Variants in ROBO1 observed in about 807,000 individuals in gnomAD.
ROBO1 encodes the protein roundabout homolog 1.
ROBO1 carries 149 observed loss-of-function variants against 195.9 expected under a neutral mutation model. The observed-to-expected ratio is 0.76, with a 90% CI of 0.67 to 0.87. The LOEUF is 0.87. Ranked by LOEUF, ROBO1 falls within the 40% of genes least tolerant of loss-of-function variation. The pLI, the probability that ROBO1 is intolerant of heterozygous loss-of-function variation, is 0.00. For synonymous variants in ROBO1, 816 were observed against 733.2 expected (o/e 1.11, Z -1.82); for missense variants, 1,933 against 2,068.3 (o/e 0.93, Z 1.27).
At chr3:78,943,283 G>T (rs186473566) in intron 3 of ROBO1, among the ~76,000 whole-genome samples, 2 of 152,156 alleles carry the variant, frequency 1.3e-5, no homozygotes, top group African/African-American at 4.8e-5. Flanking sequence ...TGATGTACAG[G>T]AAGTAATGAC....
chr3:78,737,997 G>A (rs1406431808), intron 5 of ROBO1, among the ~76,000 whole-genome samples: 2 of 152,116 alleles, frequency 1.3e-5, no homozygotes, highest in Admixed American at 6.6e-5. Flanking sequence ...GCTGTATTAA[G>A]TATGTTAATT....
At chr3:79,295,576 TC>T (rs1307086394) in intron 2 of ROBO1, among the ~76,000 whole-genome samples, 11 of 152,066 alleles carry the variant, frequency 7.2e-5, no homozygotes, top group Admixed American at 5.2e-4. Flanking sequence ...TGCACACGTA[TC>T]CCTGAACTTA....
At chr3:79,478,480 G>A (rs71324669) in intron 2 of ROBO1, among the ~76,000 whole-genome samples, 13,995 of 149,784 alleles carry the variant, frequency 0.093, 816 homozygotes, top group South Asian at 0.13. Context: ...CAACATGTGC[G>A]GTCTGACCTT....
At chr3:78,786,206 CA>C (rs2083829884) in intron 4 of ROBO1, among the ~76,000 whole-genome samples, 1 of 152,144 alleles carries the variant, frequency 6.6e-6, no homozygotes, top group Admixed American at 6.5e-5. Flanking sequence ...AAGTTTCTGT[CA>C]CCTGAGTTTG....
At chr3:79,398,301 GAA>G (rs1161629843) in intron 2 of ROBO1, among the ~76,000 whole-genome samples, 1 of 151,996 alleles carries the variant, frequency 6.6e-6, no homozygotes, top group Non-Finnish European at 1.5e-5. Context: ...AAAATGAAAA[GAA>G]AGTGAATTAC....
intron 2 of ROBO1, among the ~76,000 whole-genome samples, chr3:79,515,080 C>G (rs964937801): frequency 9.9e-5 from 15 of 152,074 alleles, no homozygotes; most frequent in African/African-American, 3.4e-4. Flanking sequence ...ATTCTCCGAG[C>G]CTTGTTTGCT....
At chr3:79,673,535 A>G (rs983527787) in intron 1 of ROBO1, among the ~76,000 whole-genome samples, 1 of 151,872 alleles carries the variant, frequency 6.6e-6, no homozygotes, top group Non-Finnish European at 1.5e-5. Context: ...CATAGGCACT[A>G]TCTCTATATT....
At chr3:78,854,398 T>G (rs1015971276) in intron 4 of ROBO1, among the ~76,000 whole-genome samples, 7 of 149,824 alleles carry the variant, frequency 4.7e-5, no homozygotes, top group Non-Finnish European at 1.0e-4. Context: ...TATGTGTGTG[T>G]GGGAGTGTGT....
At chr3:79,018,521 C>CT in intron 3 of ROBO1, 1 of 1,606,432 alleles carries the variant, frequency 6.2e-7, no homozygotes, top group Admixed American at 1.7e-5. Context: ...GAAATAGGGT[C>CT]CCCAAATGTA....
intron 2 of ROBO1, among the ~76,000 whole-genome samples, chr3:79,169,100 T>TGTA (rs1454013353): frequency 6.6e-6 from 1 of 152,140 alleles, no homozygotes; most frequent in African/African-American, 2.4e-5. Flanking sequence ...AGAAATCCAG[T>TGTA]GTAGCTACAG....
intron 10 of ROBO1, among the ~76,000 whole-genome samples, chr3:78,675,503 C>A (rs1272456928): frequency 1.3e-5 from 2 of 152,156 alleles, no homozygotes; most frequent in East Asian, 3.9e-4. Flanking sequence ...AAACGGCGCA[C>A]CAGGAGATTA....
intron 2 of ROBO1, among the ~76,000 whole-genome samples, chr3:79,440,692 C>A (rs1381318073): frequency 1.3e-5 from 2 of 152,082 alleles, no homozygotes; most frequent in Non-Finnish European, 2.9e-5. Context: ...AGTTTTCTAT[C>A]CTTAGAACCA....
intron 3 of ROBO1, among the ~76,000 whole-genome samples, chr3:79,028,365 A>G (rs928109888): frequency 1.3e-5 from 2 of 151,800 alleles, no homozygotes; most frequent in African/African-American, 4.8e-5. Flanking sequence ...TCACTCAAAG[A>G]TCATCATAAG....
At chr3:79,192,133 T>C (rs1225855787) in intron 2 of ROBO1, among the ~76,000 whole-genome samples, 1 of 151,770 alleles carries the variant, frequency 6.6e-6, no homozygotes, top group Middle Eastern at 3.4e-3. Flanking sequence ...TAGAAATATA[T>C]CCCCACATTT....
chr3:79,176,573 T>A (rs182074794), intron 2 of ROBO1, among the ~76,000 whole-genome samples: 65 of 152,280 alleles, frequency 4.3e-4, no homozygotes, highest in Admixed American at 2.0e-3. Flanking sequence ...TTCTCTTGTC[T>A]TAGCCTCCCA....
chr3:79,291,915 C>T (rs2032275576), intron 2 of ROBO1, among the ~76,000 whole-genome samples: 1 of 152,142 alleles, frequency 6.6e-6, no homozygotes, highest in Admixed American at 6.5e-5. Context: ...CCCTGCAAAG[C>T]TGATTTGAGA....
At chr3:78,746,925 A>C in intron 4 of ROBO1, 25 bp from the exon 5 acceptor site, 2 of 1,488,192 alleles carry the variant, frequency 1.3e-6, no homozygotes, top group Non-Finnish European at 1.8e-6. Flanking sequence ...TTAAATCATT[A>C]TACCCAAAAG....
chr3:79,740,915 G>T (rs1703616107), intron 1 of ROBO1, among the ~76,000 whole-genome samples: 1 of 152,152 alleles, frequency 6.6e-6, no homozygotes, highest in South Asian at 2.1e-4. Context: ...AGATAGATAT[G>T]AAAGGACTGG....
chr3:79,638,973 GA>G (rs1560060782), intron 1 of ROBO1, among the ~76,000 whole-genome samples: 1 of 152,110 alleles, frequency 6.6e-6, no homozygotes, highest in East Asian at 1.9e-4. Flanking sequence ...TTGTTAAATT[GA>G]AATTCTAAAA....
Sources: gnomAD v4.1 joint callset for allele counts (sites outside exome capture counted in the v4.1 genomes callset) on GRCh38, gnomAD v4.1.1 for gene constraint, MANE v1.5 for transcripts, NCBI Gene and HGNC (gene_info 2026-07-23, HGNC 2026-07-21) for gene names.